Variants in ROR1 observed in about 807,000 individuals in gnomAD.
ROR1 encodes the protein ROR family WNT receptor 1, also known as inactive tyrosine-protein kinase transmembrane receptor ROR1.
ROR1 carries 19 observed loss-of-function variants against 78.8 expected under a neutral mutation model. The ratio of observed to expected loss-of-function variants is 0.24; its 90% CI spans 0.17 to 0.35. ROR1 has a LOEUF of 0.35. Ranked by LOEUF, ROR1 falls within the 10% of genes least tolerant of loss-of-function variation. The pLI is 1.00. For missense variants in ROR1, 917 were observed against 1,177.8 expected (o/e 0.78, Z 3.24); for synonymous variants, 386 against 433.6 (o/e 0.89, Z 1.36).
intron 1 of ROR1, among the ~76,000 whole-genome samples, chr1:63,968,138 A>G (rs1646090803): frequency 6.6e-6 from 1 of 152,188 alleles, no homozygotes; most frequent in African/African-American, 2.4e-5. Context: ...AAATAGTTGT[A>G]TCCGAAGCTA....
chr1:63,816,596 G>T (rs1318716851), intron 1 of ROR1, among the ~76,000 whole-genome samples: 1 of 152,126 alleles, frequency 6.6e-6, no homozygotes, highest in Non-Finnish European at 1.5e-5. Flanking sequence ...GCATGAAAAT[G>T]GACTAATAGA....
chr1:64,048,720 A>AT (rs1012587627), intron 2 of ROR1, among the ~76,000 whole-genome samples: 1 of 152,242 alleles, frequency 6.6e-6, no homozygotes, highest in Non-Finnish European at 1.5e-5. Context: ...AATAAAACTT[A>AT]TTTTGTTATT....
At chr1:63,827,379 AC>A (rs1388377157) in intron 1 of ROR1, among the ~76,000 whole-genome samples, 1 of 151,806 alleles carries the variant, frequency 6.6e-6, no homozygotes, top group Non-Finnish European at 1.5e-5. Flanking sequence ...GTTTATTTAC[AC>A]CCCTGTCCCA....
intron 1 of ROR1, among the ~76,000 whole-genome samples, chr1:63,941,038 G>T (rs1412243782): frequency 1.3e-5 from 2 of 152,086 alleles, no homozygotes; most frequent in Non-Finnish European, 2.9e-5. Flanking sequence ...TTTGTCATAG[G>T]CCAATGTCAT....
intron 4 of ROR1, among the ~76,000 whole-genome samples, chr1:64,057,473 C>T (rs374193791): frequency 6.6e-6 from 1 of 152,126 alleles, no homozygotes; most frequent in African/African-American, 2.4e-5. Flanking sequence ...AGATATATTA[C>T]AAAGAATTTG....
chr1:63,774,304 C>G lies in ROR1; in HGVS notation c.-114C>G. The G allele has an allele frequency of 1.9e-6, 1 of 536,866 alleles. No individual in the cohort carries two copies. Among genetic ancestry groups the G allele is most frequent in the South Asian group, 2.2e-5 (1 of 44,572 alleles). 33.3% of individuals were successfully genotyped at this position (536,866 alleles called of 1,614,324 possible). On this transcript the variant is annotated 5_prime_UTR_variant, in exon 1 of 9. Transcript: ENST00000371079. The surrounding 1 kb of genome is among the most constrained non-coding windows in gnomAD (Gnocchi z 5.7). ...CAAAGAGCTTTGCAGACGTCCCCGG[C>G]GTCCTGCGAGCGCCAGCGGCCGGGA...
chr1:64,119,484 C>T (rs868400332), intron 4 of ROR1, among the ~76,000 whole-genome samples: 25 of 151,696 alleles, frequency 1.6e-4, no homozygotes, highest in Middle Eastern at 3.4e-3. Context: ...ACTAAAAATA[C>T]GAAAATTAGC....
At chr1:64,136,206 C>G (rs901773904) in intron 4 of ROR1, among the ~76,000 whole-genome samples, 2 of 151,982 alleles carry the variant, frequency 1.3e-5, no homozygotes, top group African/African-American at 4.8e-5. Flanking sequence ...TTACTGTGTC[C>G]AACTTGTAGA....
intron 8 of ROR1, among the ~76,000 whole-genome samples, chr1:64,165,242 G>T (rs542117619): frequency 1.3e-5 from 2 of 152,042 alleles, no homozygotes; most frequent in Non-Finnish European, 2.9e-5. Flanking sequence ...CTGCAACCTC[G>T]CCAGAATCTG....
At chr1:64,131,365 G>T (rs1375205075) in intron 4 of ROR1, among the ~76,000 whole-genome samples, 1 of 152,092 alleles carries the variant, frequency 6.6e-6, no homozygotes, top group East Asian at 1.9e-4. Context: ...CATTTGAAGA[G>T]CCATGAGAAT....
At chr1:64,057,132 T>C (rs914832281) in intron 4 of ROR1, among the ~76,000 whole-genome samples, 5 of 152,244 alleles carry the variant, frequency 3.3e-5, no homozygotes, top group African/African-American at 9.6e-5. Flanking sequence ...TTTACAGTTT[T>C]AGCTCTTACA....
At chr1:63,910,286 G>T (rs1335784444) in intron 1 of ROR1, among the ~76,000 whole-genome samples, 6 of 152,168 alleles carry the variant, frequency 3.9e-5, no homozygotes, top group Admixed American at 3.9e-4. Flanking sequence ...CTAGAAAAAT[G>T]ATTTATATAT....
intron 1 of ROR1, among the ~76,000 whole-genome samples, chr1:63,903,348 A>T (rs1187518589): frequency 6.6e-6 from 1 of 152,148 alleles, no homozygotes; most frequent in South Asian, 2.1e-4. Context: ...AGTGCCAGGG[A>T]TATTTCTCCC....
chr1:64,067,867 C>T (rs1381473452), intron 4 of ROR1, among the ~76,000 whole-genome samples: 3 of 152,096 alleles, frequency 2.0e-5, no homozygotes, highest in Non-Finnish European at 2.9e-5. Context: ...CGCCTGCCAC[C>T]GCGCCCGGGT....
intron 1 of ROR1, among the ~76,000 whole-genome samples, chr1:63,816,302 C>A (rs545525585): frequency 6.6e-6 from 1 of 152,298 alleles, no homozygotes; most frequent in East Asian, 1.9e-4. Context: ...CCCATAACTC[C>A]CACGTGTTGT....
At chr1:64,003,690 A>AGCT (rs1553150796) in intron 1 of ROR1, among the ~76,000 whole-genome samples, 2 of 151,760 alleles carry the variant, frequency 1.3e-5, no homozygotes, top group African/African-American at 4.8e-5. Context: ...AGGTTGACTG[A>AGCT]CCTTGCACTA....
chr1:64,166,848 G>T (rs1165683961), intron 8 of ROR1, among the ~76,000 whole-genome samples: 1 of 152,196 alleles, frequency 6.6e-6, no homozygotes, highest in East Asian at 1.9e-4. Context: ...CTGGGAGGCT[G>T]CCCGGTACAT....
At chr1:63,922,949 T>G (rs1044451406) in intron 1 of ROR1, among the ~76,000 whole-genome samples, 2 of 152,166 alleles carry the variant, frequency 1.3e-5, no homozygotes, top group Non-Finnish European at 2.9e-5. Context: ...AAATTAGCAG[T>G]GGCTCTCAGT....
At chr1:63,789,999 C>G (rs1447156994) in intron 1 of ROR1, among the ~76,000 whole-genome samples, 3 of 152,156 alleles carry the variant, frequency 2.0e-5, no homozygotes, top group Non-Finnish European at 4.4e-5. Context: ...CACAGAAGCA[C>G]CTTTCCCCCA....
Sources: allele counts gnomAD v4.1 joint callset (sites outside exome capture counted in the v4.1 genomes callset), GRCh38; gene constraint gnomAD v4.1.1; non-coding constraint Gnocchi (gnomAD v3.1); transcripts MANE v1.5; gene names NCBI Gene and HGNC (gene_info 2026-07-23, HGNC 2026-07-21).